Variants in DIS3L2 observed in about 807,000 individuals in gnomAD.
DIS3L2 encodes the protein DIS3 like 3'-5' exoribonuclease 2, also known as DIS3-like exonuclease 2.
In DIS3L2, 34 loss-of-function variants were observed where a neutral mutation model predicts 97.5. The observed-to-expected ratio is 0.35, with a 90% confidence interval of 0.27 to 0.46. The LOEUF is 0.46. DIS3L2 is among the 20% of genes least tolerant of loss of function. The pLI is 1.00. For missense variants in DIS3L2, 1,038 were observed against 1,146.0 expected (o/e 0.91, Z 1.36); for synonymous variants, 435 against 445.2 (o/e 0.98, Z 0.29).
At chr2:232,334,812 G>A (rs994158669) in intron 19 of DIS3L2, 77 bp downstream of exon 19, 2 of 1,306,640 alleles carry the variant, frequency 1.5e-6, no homozygotes, top group Non-Finnish European at 2.1e-6. Context: ...AGGCTGTGAT[G>A]GGTCACACTC....
In DIS3L2 at chr2:232,075,682, A is replaced by G. The variant is rs1270191129; in HGVS notation, c.367-11805A>G. ...CTGAAGGCTACATTTGTTTCCTTAT[A>G]TGTAACTGCTCCTAATTTTTCTGTT... On this transcript the variant is annotated intron_variant, in intron 5 of 20. Coordinates refer to ENST00000325385, the MANE Select transcript of DIS3L2 (RefSeq NM_152383.5). Among the ~76,000 whole-genome samples the G allele has an allele frequency of 2.0e-5, 3 of 152,074 alleles. No homozygotes were observed. The East Asian group carries it at 5.8e-4, about 29-fold the overall frequency.
In DIS3L2 at chr2:232,173,347, C is replaced by G. The variant is rs112889820; in HGVS notation, c.1124+9715C>G. On this transcript the variant is annotated intron_variant, in intron 9 of 20. Coordinates refer to ENST00000325385, the MANE Select transcript of DIS3L2 (RefSeq NM_152383.5). ...CCTGGTTCAAGCGATTCTCCTGCCT[C>G]AGCCTCCCAAGTAGCTGGGAGTGCA... Among the ~76,000 whole-genome samples the G allele has an allele frequency of 3.1e-3, 465 of 152,294 alleles. 4 individuals carry two copies. Among genetic ancestry groups the G allele is most frequent in the Non-Finnish European group, 5.3e-3 (360 of 68,020 alleles).
At chr2:232,212,518 C>T (rs535570164) in intron 10 of DIS3L2, among the ~76,000 whole-genome samples, 7 of 152,218 alleles carry the variant, frequency 4.6e-5, no homozygotes, top group Admixed American at 3.3e-4. Flanking sequence ...GTCTAGGGCC[C>T]AAGTGTGTCA....
chr2:232,315,356 CAAG>C (rs1261829888), intron 14 of DIS3L2, among the ~76,000 whole-genome samples: 4 of 152,214 alleles, frequency 2.6e-5, no homozygotes, highest in African/African-American at 9.6e-5. Context: ...GATATACTCT[CAAG>C]GAGGTTAGCC....
Position 232,329,793 on chromosome 2 carries a change from A to ACCCCCC in DIS3L2, c.1740-20_1740-19insCCCCCC. The ACCCCCC allele has an allele frequency of 1.4e-5, 2 of 147,842 alleles. No homozygotes were observed. The highest frequency in any genetic ancestry group is 7.3e-5 in the African/African-American group (1 of 13,792). The allele number at this position is 147,842 out of a possible 1,614,324, so 9.2% of individuals were successfully genotyped here. On this transcript the variant is annotated intron_variant, in intron 14 of 20. Transcript: ENST00000325385. ...TCCCCAAACCCCAGCGGTCCCTCCCATCCCACCCACCCTCTGCAGGCTCGT... is the reference window on the plus strand; with the variant it reads ...TCCCCAAACCCCAGCGGTCCCTCCCACCCCCCTCCCACCCACCCTCTGCAGGCTCGT...
chr2:232,096,631 C>G (rs1479161274), intron 6 of DIS3L2, among the ~76,000 whole-genome samples: 1 of 151,840 alleles, frequency 6.6e-6, no homozygotes, highest in African/African-American at 2.4e-5. Context: ...TCTCTTGTCT[C>G]TTATGTGTAT....
chr2:232,039,506 TGTAGTA>T (rs1359375473), intron 5 of DIS3L2, among the ~76,000 whole-genome samples: 2 of 152,212 alleles, frequency 1.3e-5, no homozygotes, highest in African/African-American at 4.8e-5. Flanking sequence ...TTCTTTTCGT[TGTAGTA>T]GTAAATAGTC....
chr2:232,046,733 G>A (rs1695253541), intron 5 of DIS3L2, among the ~76,000 whole-genome samples: 1 of 152,192 alleles, frequency 6.6e-6, no homozygotes, highest in Admixed American at 6.5e-5. Flanking sequence ...AAAAGAGATA[G>A]ATTTTAGAAT....
At chr2:232,126,883 C>A (rs1559655761) in intron 6 of DIS3L2, among the ~76,000 whole-genome samples, 1 of 152,192 alleles carries the variant, frequency 6.6e-6, no homozygotes, top group Non-Finnish European at 1.5e-5. Context: ...CATGGCAGGT[C>A]CACTCACAGA....
chr2:232,329,785 T>TCCCGGGGGGGGGGCCCC, intron 14 of DIS3L2, 28 bp from the exon 15 acceptor site: 14 of 967,126 alleles, frequency 1.4e-5, no homozygotes, highest in East Asian at 3.1e-5. Flanking sequence ...ACCCCAGCGG[T>TCCCGGGGGGGGGGCCCC]CCCTCCCATC....
intron 14 of DIS3L2, among the ~76,000 whole-genome samples, chr2:232,301,835 C>CTTTTT (rs557282669): frequency 1.9e-5 from 2 of 105,474 alleles, no homozygotes; most frequent in African/African-American, 3.7e-5. Context: ...TAGCCTAGCT[C>CTTTTT]TTTTTTTTTT....
chr2:232,112,329 A>G (rs1033719312), intron 6 of DIS3L2, among the ~76,000 whole-genome samples: 73 of 152,336 alleles, frequency 4.8e-4, no homozygotes, highest in Admixed American at 2.5e-3. Flanking sequence ...GCTATTTTAC[A>G]ACTTTAAAAA....
downstream of DIS3L2, chr2:232,340,804 C>G (rs1257398700): frequency 2.1e-6 from 1 of 471,482 alleles, no homozygotes; most frequent in Non-Finnish European, 4.4e-6. Flanking sequence ...AGTCTGCAAG[C>G]CCCTTGGTGT....
chr2:232,272,277 G>T (rs538762851), intron 13 of DIS3L2, among the ~76,000 whole-genome samples: 2 of 152,352 alleles, frequency 1.3e-5, no homozygotes, highest in South Asian at 4.1e-4. Context: ...ACTGCTCACA[G>T]TTCTGTGAAG....
chr2:232,013,634 T>C (rs1297370907), intron 1 of DIS3L2, among the ~76,000 whole-genome samples: 1 of 152,220 alleles, frequency 6.6e-6, no homozygotes, highest in South Asian at 2.1e-4. Context: ...TAAAAAAACA[T>C]AGTGCTTACC....
At chr2:232,337,223 T>C, downstream of DIS3L2, 1 of 899,856 alleles carries the variant, frequency 1.1e-6, no homozygotes, top group Non-Finnish European at 1.3e-6. Context: ...CCCTGACGAA[T>C]GTGACTGTGT....
At chr2:232,264,669 C>A (rs755472681) in intron 13 of DIS3L2, among the ~76,000 whole-genome samples, 2 of 152,230 alleles carry the variant, frequency 1.3e-5, no homozygotes, top group Non-Finnish European at 2.9e-5. Context: ...AGACTTCTTT[C>A]CCTGAGCCTG....
Position 232,197,555 on chromosome 2 carries a change from T to G in DIS3L2, c.1125-12771T>G, listed in dbSNP as rs563158513. On this transcript the variant is annotated intron_variant, in intron 9 of 20. Coordinates refer to ENST00000325385, the MANE Select transcript of DIS3L2 (RefSeq NM_152383.5). ...GGGAAGTTTTCAGGTTTGGATGGGGTACCTAAAATGAAGTCATTGTCAACC... is the reference window on the plus strand; with the variant it reads ...GGGAAGTTTTCAGGTTTGGATGGGGGACCTAAAATGAAGTCATTGTCAACC... 5.1e-4 allele frequency among the ~76,000 whole-genome samples: 78 copies of G among 152,236 alleles called. 1 individual carries two copies. Among genetic ancestry groups the G allele is most frequent in the African/African-American group, 1.7e-3 (70 of 41,538 alleles).
Position 232,022,311 on chromosome 2 carries a change from A to G in DIS3L2, c.211-1966A>G, listed in dbSNP as rs73995066. Among the ~76,000 whole-genome samples, 435 of 152,242 alleles carry G rather than the reference A, an allele frequency of 2.9e-3. 3 individuals are homozygous for G. The highest frequency in any genetic ancestry group is 9.7e-3 in the African/African-American group (404 of 41,536). On this transcript the variant is annotated intron_variant, in intron 3 of 20. Coordinates refer to ENST00000325385, the MANE Select transcript of DIS3L2 (RefSeq NM_152383.5). ...AATGCTGTTGTGGAACCAGGTTTCT[A>G]TTCTTCCTTGTGTGCTTTTGTATAT...
Sources: gnomAD v4.1 joint callset for allele counts (sites outside exome capture counted in the v4.1 genomes callset) on GRCh38, gnomAD v4.1.1 for gene constraint, MANE v1.5 for transcripts, NCBI Gene and HGNC (gene_info 2026-07-23, HGNC 2026-07-21) for gene names.